Variants in DIP2C observed in about 807,000 individuals in gnomAD.
DIP2C encodes DIP2 acetate--CoA ligase C (putative), also known as disco-interacting protein 2 homolog C.
A neutral mutation model predicts 192.4 loss-of-function variants in DIP2C; 33 were observed. That is an observed-to-expected ratio of 0.17 (90% confidence interval 0.13 to 0.23). The LOEUF is 0.23. Ranked by LOEUF, DIP2C falls within the 10% of genes least tolerant of loss-of-function variation. The pLI is 1.00. For synonymous variants in DIP2C, 979 were observed against 864.1 expected (o/e 1.13, Z -2.33); for missense variants, 1,537 against 2,110.1 (o/e 0.73, Z 5.32).
intron 1 of DIP2C, among the ~76,000 whole-genome samples, chr10:688,391 G>A (rs2119120392): frequency 6.6e-6 from 1 of 152,260 alleles, no homozygotes; most frequent in African/African-American, 2.4e-5. Context: ...TCCCTTCTTT[G>A]CCCTGAAAGT....
At chr10:517,432 A>G (rs1344046918) in intron 1 of DIP2C, among the ~76,000 whole-genome samples, 2 of 152,100 alleles carry the variant, frequency 1.3e-5, no homozygotes, top group African/African-American at 4.8e-5. Context: ...CCCAAGCCCG[A>G]CGCTCCGCCC....
At chr10:430,143 G>T (rs1966843773) in intron 4 of DIP2C, 1 of 152,192 alleles carries the variant, frequency 6.6e-6, no homozygotes, top group Non-Finnish European at 1.5e-5. Context: ...GACATATGAT[G>T]TGAAGCGTCA....
chr10:393,118 G>A (rs1345972304), intron 10 of DIP2C, among the ~76,000 whole-genome samples: 1 of 152,210 alleles, frequency 6.6e-6, no homozygotes, highest in Non-Finnish European at 1.5e-5. Context: ...GGCTGGATCT[G>A]AGGCCAACTC....
intron 1 of DIP2C, among the ~76,000 whole-genome samples, chr10:617,657 C>A (rs1432080644): frequency 1.3e-5 from 2 of 150,556 alleles, no homozygotes; most frequent in Non-Finnish European, 3.0e-5. Flanking sequence ...TGGATACCAC[C>A]CCCCCACCCC....
chr10:519,219 C>T (rs776205864), intron 1 of DIP2C, among the ~76,000 whole-genome samples: 94 of 152,308 alleles, frequency 6.2e-4, no homozygotes, highest in Non-Finnish European at 1.1e-3. Context: ...CACTAGCTGC[C>T]CCGGCCACAC....
intron 32 of DIP2C, among the ~76,000 whole-genome samples, chr10:305,033 G>A (rs199850361): frequency 6.9e-6 from 1 of 145,714 alleles, no homozygotes; most frequent in Non-Finnish European, 1.5e-5. Context: ...ACACATATAT[G>A]CACGTGTCTA....
intron 32 of DIP2C, among the ~76,000 whole-genome samples, chr10:290,270 G>A (rs777420018): frequency 1.3e-5 from 2 of 152,208 alleles, no homozygotes; most frequent in African/African-American, 4.8e-5. Context: ...AAACTCTTAC[G>A]GAACACGCCG....
chr10:339,667 C>CATGTT (rs1405200444), intron 29 of DIP2C, among the ~76,000 whole-genome samples: 1 of 152,068 alleles, frequency 6.6e-6, no homozygotes, highest in Non-Finnish European at 1.5e-5. Context: ...TACCTGAGGC[C>CATGTT]ATGTTCTGAG....
chr10:515,111 A>G (rs80315310), intron 1 of DIP2C, among the ~76,000 whole-genome samples: 3,357 of 152,340 alleles, frequency 0.022, 129 homozygotes, highest in African/African-American at 0.076. Flanking sequence ...CGTTAATTAC[A>G]TAACTATCCA....
At chr10:560,267 G>A (rs915195302) in intron 1 of DIP2C, among the ~76,000 whole-genome samples, 4 of 152,210 alleles carry the variant, frequency 2.6e-5, no homozygotes, top group Non-Finnish European at 5.9e-5. Flanking sequence ...CAGGATGGAG[G>A]AGTCACAAAG....
intron 31 of DIP2C, chr10:325,107 T>C (rs1425112592): frequency 2.8e-6 from 1 of 360,410 alleles, no homozygotes; most frequent in Non-Finnish European, 5.5e-6. Flanking sequence ...CTACTAAAAA[T>C]ACAAAAAATT....
At position 651,264 on chromosome 10, in the gene DIP2C, T is replaced by C. The variant is rs1269733583; in HGVS notation, c.85+38230A>G. On this transcript the variant is annotated intron_variant, in intron 1 of 36. Transcript: ENST00000280886. This position sits in a 1 kb window ranked among gnomAD's most constrained non-coding sequence, Gnocchi z 4.1. Reference sequence around the variant, plus strand: ...TCACAGCGTGGGTTCCGGTCACCAGTCGGCCTCCCCCACCAACGTGGACTC... The same window carrying C: ...TCACAGCGTGGGTTCCGGTCACCAGCCGGCCTCCCCCACCAACGTGGACTC... The C allele has an allele frequency of 7.0e-6, 5 of 714,544 alleles. No homozygotes were observed. The highest frequency in any genetic ancestry group is 1.3e-5 in the Non-Finnish European group (5 of 385,086). 44.3% of individuals were successfully genotyped at this position (714,544 alleles called of 1,614,324 possible).
At chr10:293,567 G>C (rs1015742007) in intron 32 of DIP2C, among the ~76,000 whole-genome samples, 1 of 152,198 alleles carries the variant, frequency 6.6e-6, no homozygotes, top group African/African-American at 2.4e-5. Flanking sequence ...AAAACTTCAA[G>C]TTAATTAACA....
At chr10:673,225 G>A (rs892957359) in intron 1 of DIP2C, among the ~76,000 whole-genome samples, 6 of 152,176 alleles carry the variant, frequency 3.9e-5, no homozygotes, top group African/African-American at 1.4e-4. Context: ...AGCCTTTAGA[G>A]GCCACGTGGT....
intron 32 of DIP2C, among the ~76,000 whole-genome samples, chr10:305,722 G>T (rs1283594617): frequency 6.6e-6 from 1 of 152,086 alleles, no homozygotes; most frequent in Non-Finnish European, 1.5e-5. Context: ...ATGGCTTACT[G>T]TAGCCTCTAA....
intron 22 of DIP2C, among the ~76,000 whole-genome samples, chr10:361,896 T>A (rs1227063609): frequency 6.6e-6 from 1 of 151,828 alleles, no homozygotes; most frequent in Non-Finnish European, 1.5e-5. Flanking sequence ...TCCCTGCAAC[T>A]CCACATTCCC....
chr10:443,498 T>C (rs985202769), intron 3 of DIP2C, among the ~76,000 whole-genome samples: 3 of 152,148 alleles, frequency 2.0e-5, no homozygotes, highest in Admixed American at 2.0e-4. Flanking sequence ...GAACCGGGTG[T>C]GCTGTCACTG....
intron 24 of DIP2C, among the ~76,000 whole-genome samples, chr10:351,542 C>T (rs1958810703): frequency 6.6e-6 from 1 of 152,230 alleles, no homozygotes; most frequent in Admixed American, 6.5e-5. Flanking sequence ...TTACATTTCT[C>T]TGAATTCAAC....
At chr10:588,897 TTG>T (rs949947180) in intron 1 of DIP2C, among the ~76,000 whole-genome samples, 22 of 152,346 alleles carry the variant, frequency 1.4e-4, no homozygotes, top group African/African-American at 4.8e-4. Flanking sequence ...GGCCCCACGT[TTG>T]TGTGAGTTCA....
Sources: gnomAD v4.1 joint callset for allele counts (sites outside exome capture counted in the v4.1 genomes callset) on GRCh38, gnomAD v4.1.1 for gene constraint, Gnocchi (gnomAD v3.1) non-coding constraint, MANE v1.5 for transcripts, NCBI Gene and HGNC (gene_info 2026-07-23, HGNC 2026-07-21) for gene names.